CNTN1: variants seen among roughly 807,000 people sequenced by gnomAD.
CNTN1 encodes the protein contactin-1.
A neutral mutation model predicts 126.4 loss-of-function variants in CNTN1; 38 were observed. The ratio of observed to expected loss-of-function variants is 0.30; its 90% confidence interval spans 0.23 to 0.39. The LOEUF (loss-of-function observed/expected upper bound fraction) is 0.39. CNTN1 is among the 10% of genes least tolerant of loss of function. The probability of loss-of-function intolerance (pLI) is 1.00; values close to 1 mark genes in which losing one functional copy is unlikely to be tolerated. For synonymous variants in CNTN1, 413 were observed against 422.6 expected, an observed-to-expected ratio of 0.98 and a Z score of 0.28; for missense variants, 1,009 against 1,248.4, an observed-to-expected ratio of 0.81 and a Z score of 2.89.
At chr12:40,723,113 T>C (rs1019551510) in intron 1 of CNTN1, among the ~76,000 whole-genome samples, 1 of 152,080 alleles carries the variant, frequency 6.6e-6, no homozygotes, top group Non-Finnish European at 1.5e-5. Flanking sequence ...CATGGGATAG[T>C]GCATGTACTG....
At chr12:40,848,825 G>GTT (rs11318215) in intron 1 of CNTN1, among the ~76,000 whole-genome samples, 15,062 of 135,686 alleles carry the variant, frequency 0.11, 835 homozygotes, top group Non-Finnish European at 0.12. Flanking sequence ...CACCAGGTGT[G>GTT]TTTTTTTTTT....
intron 1 of CNTN1, among the ~76,000 whole-genome samples, chr12:40,855,367 C>T (rs938170791): frequency 9.2e-5 from 14 of 151,720 alleles, no homozygotes; most frequent in Admixed American, 6.6e-5. Context: ...TGAATAATAC[C>T]GAGATTCAAT....
intron 20 of CNTN1, among the ~76,000 whole-genome samples, chr12:41,023,058 G>A (rs541968975): frequency 6.6e-6 from 1 of 152,078 alleles, no homozygotes; most frequent in African/African-American, 2.4e-5. Flanking sequence ...CTATAATGTG[G>A]TTATTGTTTC....
At chr12:40,733,032 A>G (rs937812089) in intron 1 of CNTN1, among the ~76,000 whole-genome samples, 1 of 152,046 alleles carries the variant, frequency 6.6e-6, no homozygotes, top group Non-Finnish European at 1.5e-5. Flanking sequence ...TACGGAGCCT[A>G]GAAGCTTCTG....
At position 40,839,235 on chromosome 12, in the gene CNTN1, GA is replaced by G. The variant is rs34511097; in HGVS notation, c.-76-69114del. The stretch of plus-strand genomic sequence containing the variant: ...AATAATGCAGTCAGACAAAAATATA[GA>G]AAAAAAACTTAAAAAGAATGAGCAA... On this transcript the variant is annotated intron_variant, in intron 1 of 23. Transcript: ENST00000551295. Among the ~76,000 whole-genome samples, 994 of 151,716 alleles carry G rather than the reference GA, an allele frequency of 6.6e-3. 50 individuals are homozygous for G. In the East Asian group the frequency reaches 0.14, roughly 22 times the overall value.
chr12:40,976,557 A>G (rs1188871638), intron 15 of CNTN1, among the ~76,000 whole-genome samples: 1 of 151,982 alleles, frequency 6.6e-6, no homozygotes, highest in Non-Finnish European at 1.5e-5. Flanking sequence ...AAAAAAAAAG[A>G]AAGAAAGAAC....
At chr12:40,760,493 A>G (rs1938816536) in intron 1 of CNTN1, among the ~76,000 whole-genome samples, 1 of 151,812 alleles carries the variant, frequency 6.6e-6, no homozygotes, top group South Asian at 2.1e-4. Context: ...GTTCTTTTGC[A>G]GTTCCTTAGA....
At chr12:40,733,834 A>G (rs1942556264) in intron 1 of CNTN1, among the ~76,000 whole-genome samples, 1 of 152,072 alleles carries the variant, frequency 6.6e-6, no homozygotes, top group Non-Finnish European at 1.5e-5. Context: ...TGTCAAGAAC[A>G]CTGATGCTTG....
intron 1 of CNTN1, among the ~76,000 whole-genome samples, chr12:40,866,286 C>T (rs985272136): frequency 6.6e-6 from 1 of 151,908 alleles, no homozygotes; most frequent in African/African-American, 2.4e-5. Context: ...TTTTTCCCAA[C>T]CTGGGTTTAT....
chr12:40,767,204 A>T (rs1302025135), intron 1 of CNTN1, among the ~76,000 whole-genome samples: 1 of 151,952 alleles, frequency 6.6e-6, no homozygotes, highest in Admixed American at 6.6e-5. Flanking sequence ...CTTGGTCTGA[A>T]AATTACTAGG....
intron 15 of CNTN1, among the ~76,000 whole-genome samples, 165 bp from the exon 16 acceptor site, chr12:40,980,744 A>G (rs1358794736): frequency 6.6e-6 from 1 of 152,206 alleles, no homozygotes; most frequent in Admixed American, 6.5e-5. Context: ...GAAAACTACA[A>G]ATGATATCAC....
intron 14 of CNTN1, among the ~76,000 whole-genome samples, chr12:40,944,440 T>C (rs1181640686): frequency 6.6e-6 from 1 of 152,054 alleles, no homozygotes; most frequent in Non-Finnish European, 1.5e-5. Context: ...TTTAATACAA[T>C]TGATGTGTAT....
intron 15 of CNTN1, among the ~76,000 whole-genome samples, chr12:40,974,165 G>A (rs1947607260): frequency 6.6e-6 from 1 of 152,150 alleles, no homozygotes; most frequent in Admixed American, 6.6e-5. Context: ...TCATACATAG[G>A]TATGTTTTTC....
At chr12:40,992,662 A>C (rs991391354) in intron 16 of CNTN1, among the ~76,000 whole-genome samples, 1 of 152,176 alleles carries the variant, frequency 6.6e-6, no homozygotes, top group African/African-American at 2.4e-5. Flanking sequence ...AGTAAAAAGG[A>C]TATAAACATT....
intron 1 of CNTN1, among the ~76,000 whole-genome samples, chr12:40,760,032 A>G (rs1483590346): frequency 6.6e-6 from 1 of 151,944 alleles, no homozygotes; most frequent in Admixed American, 6.6e-5. Flanking sequence ...TCAGGGACAT[A>G]CTTTAATACC....
intron 1 of CNTN1, among the ~76,000 whole-genome samples, chr12:40,840,969 GAAAT>G (rs1452659665): frequency 1.3e-5 from 2 of 151,444 alleles, no homozygotes; most frequent in Non-Finnish European, 3.0e-5. Context: ...AGAACTAAAT[GAAAT>G]AGAGACTAAA....
chr12:41,001,645 T>C (rs1053223033), intron 17 of CNTN1, among the ~76,000 whole-genome samples: 1 of 152,220 alleles, frequency 6.6e-6, no homozygotes, highest in Non-Finnish European at 1.5e-5. Flanking sequence ...CAATTGCTTT[T>C]GGCATCTTCA....
intron 15 of CNTN1, among the ~76,000 whole-genome samples, chr12:40,963,540 T>C (rs901540334): frequency 1.3e-5 from 2 of 151,522 alleles, no homozygotes; most frequent in Non-Finnish European, 2.9e-5. Flanking sequence ...GCGTTATGTT[T>C]AAAATGTTTA....
At chr12:40,846,621 G>T (rs1374860788) in intron 1 of CNTN1, among the ~76,000 whole-genome samples, 3 of 152,124 alleles carry the variant, frequency 2.0e-5, no homozygotes, top group African/African-American at 7.2e-5. Context: ...AAACTAAGGA[G>T]ACTTTGGGAG....
Sources: allele counts gnomAD v4.1 joint callset (sites outside exome capture counted in the v4.1 genomes callset), GRCh38; gene constraint gnomAD v4.1.1; transcripts MANE v1.5; gene names NCBI Gene and HGNC (gene_info 2026-07-23, HGNC 2026-07-21).